The following CRYM variants were observed in gnomAD, a reference collection of about 807,000 sequenced individuals.
CRYM encodes the protein crystallin mu.
Under a neutral mutation model 32.9 loss-of-function variants are expected in CRYM, and 18 were observed. The ratio of observed to expected loss-of-function variants is 0.55; its 90% CI spans 0.38 to 0.81. The LOEUF is 0.81. Ranked by LOEUF, CRYM falls within the 30% of genes least tolerant of loss-of-function variation. CRYM has a pLI of 0.00. For missense variants in CRYM, 337 were observed against 393.5 expected, an observed-to-expected ratio of 0.86 and a Z score of 1.21; for synonymous variants, 153 against 152.4, an observed-to-expected ratio of 1.00 and a Z score of -0.03.
At position 21,269,765 on chromosome 16, in the gene CRYM, CTCCCA is replaced by C; in HGVS notation, c.489+20_489+24del. 1 of 760,802 alleles carries C rather than the reference CTCCCA, an allele frequency of 1.3e-6. No homozygotes were observed. The highest frequency in any genetic ancestry group is 2.3e-6 in the Non-Finnish European group (1 of 442,336). The allele number at this position is 760,802 out of a possible 1,614,324, so 47.1% of individuals were successfully genotyped here. On this transcript the variant is annotated intron_variant, in intron 4 of 7. Coordinates refer to ENST00000572914, the MANE Select transcript of CRYM (RefSeq NM_001376256.1). ...CAAGGACCACCCCCTTCCCTCTTCT[CTCCCA>C]CCCCCACCCCTGGACTTACCTCCTT...
intron 7 of CRYM, among the ~76,000 whole-genome samples, chr16:21,260,058 T>C (rs578247032): frequency 6.6e-6 from 1 of 152,230 alleles, no homozygotes; most frequent in South Asian, 2.1e-4. Context: ...TTCCAGTGCA[T>C]GAGAGATTTT....
intron 3 of CRYM, 51 bp from the exon 4 acceptor site, chr16:21,269,942 G>C (rs769965306): frequency 1.6e-6 from 2 of 1,278,870 alleles, no homozygotes; most frequent in Admixed American, 1.7e-5. Context: ...CTAGCAGACG[G>C]GTAAAAAACT....
intron 3 of CRYM, among the ~76,000 whole-genome samples, chr16:21,270,547 G>A (rs1484836852): frequency 1.3e-5 from 2 of 152,164 alleles, no homozygotes; most frequent in African/African-American, 4.8e-5. Flanking sequence ...GCCTCCCAAA[G>A]TACTGGGATT....
intron 5 of CRYM, among the ~76,000 whole-genome samples, chr16:21,265,756 T>C (rs1023482924): frequency 1.3e-5 from 2 of 152,258 alleles, no homozygotes; most frequent in Non-Finnish European, 2.9e-5. Context: ...GTTCACACCA[T>C]GTGCTTGTCA....
chr16:21,297,872 C>T (rs1006129512), intron 1 of CRYM, among the ~76,000 whole-genome samples: 10 of 152,178 alleles, frequency 6.6e-5, no homozygotes, highest in East Asian at 1.9e-4. Context: ...TCCAACTCTG[C>T]GGTATGTAAG....
rs565544806 is a variant in CRYM, at chr16:21,290,339, C to T, written c.-192-11379G>A. Among the ~76,000 whole-genome samples the T allele has an allele frequency of 3.9e-5, 6 of 152,022 alleles. No individual in the cohort carries two copies. The East Asian group carries it at 7.7e-4, about 20-fold the overall frequency. On this transcript the variant is annotated intron_variant, in intron 1 of 9. Transcript: ENST00000219599. Reference sequence around the variant, plus strand: ...GGAGGGACAAACAACCTGGATGTGCCACCTTTAAGAGCTGTAACACTCACT... The same window carrying T: ...GGAGGGACAAACAACCTGGATGTGCTACCTTTAAGAGCTGTAACACTCACT...
At chr16:21,298,333 C>T (rs891560759) in intron 1 of CRYM, among the ~76,000 whole-genome samples, 4 of 152,234 alleles carry the variant, frequency 2.6e-5, no homozygotes, top group Non-Finnish European at 4.4e-5. Flanking sequence ...CCAAGAGATA[C>T]GTAAAATAAT....
At chr16:21,273,114 T>C (rs12447139) in intron 3 of CRYM, among the ~76,000 whole-genome samples, 2,548 of 152,222 alleles carry the variant, frequency 0.017, 93 homozygotes, top group East Asian at 0.081. Flanking sequence ...TGAATAAATG[T>C]ATGTTAGTGC....
chr16:21,263,462 G>A (rs750916805), intron 5 of CRYM, among the ~76,000 whole-genome samples: 24 of 151,924 alleles, frequency 1.6e-4, no homozygotes, highest in South Asian at 4.1e-4. Context: ...TGATCCTCCC[G>A]CCTCAGCCTC....
intron 1 of CRYM, among the ~76,000 whole-genome samples, chr16:21,293,499 A>G (rs1471699580): frequency 6.6e-6 from 1 of 152,256 alleles, no homozygotes; most frequent in Non-Finnish European, 1.5e-5. Flanking sequence ...CTAGTCAATC[A>G]AAATCCTGGT....
intron 1 of CRYM, chr16:21,301,207 GGCTGGGCCA>G (rs1960916800): frequency 1.3e-5 from 2 of 152,362 alleles, no homozygotes; most frequent in Admixed American, 6.5e-5. Context: ...TGTCATCAGC[GGCTGGGCCA>G]GCTGAAGGTG....
intron 1 of CRYM, among the ~76,000 whole-genome samples, chr16:21,301,745 C>T (rs973481745): frequency 1.3e-5 from 2 of 152,222 alleles, no homozygotes; most frequent in Non-Finnish European, 2.9e-5. Context: ...CAGCCAGCTC[C>T]CGGCCGGGTC....
chr16:21,292,072 T>C (rs570696963), intron 1 of CRYM, among the ~76,000 whole-genome samples: 27 of 152,260 alleles, frequency 1.8e-4, no homozygotes, highest in African/African-American at 5.8e-4. Context: ...AACACTTGTA[T>C]GCAAACATTC....
chr16:21,296,960 G>A (rs1960801294), intron 1 of CRYM, among the ~76,000 whole-genome samples: 1 of 151,982 alleles, frequency 6.6e-6, no homozygotes, highest in Non-Finnish European at 1.5e-5. Context: ...AGTGAGCCGA[G>A]ATCGCGCCAC....
At chr16:21,262,326 T>C (rs941462750) in intron 5 of CRYM, 168 bp from the exon 6 acceptor site, 54 of 773,702 alleles carry the variant, frequency 7.0e-5, no homozygotes, top group Admixed American at 6.3e-4. Flanking sequence ...GAAATACTTA[T>C]TAAGAAATAG....
At chr16:21,297,353 A>G (rs1960809539) in intron 1 of CRYM, among the ~76,000 whole-genome samples, 1 of 151,880 alleles carries the variant, frequency 6.6e-6, no homozygotes, top group Non-Finnish European at 1.5e-5. Flanking sequence ...AGATCTCACC[A>G]TCGCACTCCA....
At position 21,284,786 on chromosome 16, in the gene CRYM, C is replaced by T. The variant is rs117288758; in HGVS notation, c.-192-5826G>A. On this transcript the variant is annotated intron_variant, in intron 1 of 9. Coordinates refer to the CRYM transcript ENST00000219599. ...TAGTAGAATGATTTATTTTCCTTTG[C>T]GTATATACCTAGTAATGGGAATGCC... Among the ~76,000 whole-genome samples the T allele has an allele frequency of 6.5e-3, 997 of 152,258 alleles. 9 individuals carry two copies. Among genetic ancestry groups the T allele is most frequent in the Non-Finnish European group, 9.5e-3 (643 of 68,002 alleles).
intron 2 of CRYM, 88 bp from the exon 3 acceptor site, chr16:21,275,682 A>T: frequency 1.9e-6 from 2 of 1,076,964 alleles, no homozygotes; most frequent in Non-Finnish European, 2.8e-6. Context: ...TAGCTTAGGA[A>T]GTTTTATAGC....
intron 1 of CRYM, among the ~76,000 whole-genome samples, chr16:21,285,006 G>T (rs1400118400): frequency 6.6e-6 from 1 of 152,096 alleles, no homozygotes; most frequent in Non-Finnish European, 1.5e-5. Flanking sequence ...GTTTTTATTT[G>T]CATTTCCCTG....
Sources: gnomAD v4.1 joint callset for allele counts (sites outside exome capture counted in the v4.1 genomes callset) on GRCh38, gnomAD v4.1.1 for gene constraint, MANE v1.5 for transcripts, NCBI Gene and HGNC (gene_info 2026-07-23, HGNC 2026-07-21) for gene names.